ATF6: variants seen among roughly 807,000 people sequenced by gnomAD.
The protein encoded by ATF6 is activating transcription factor 6.
A neutral mutation model predicts 83.6 loss-of-function variants in ATF6; 53 were observed. The observed-to-expected ratio is 0.63, with a 90% CI of 0.51 to 0.80. ATF6 has a LOEUF of 0.80. Among genes scored for constraint, ATF6 ranks in the 30% least tolerant of loss-of-function variants. The pLI, the probability that ATF6 is intolerant of heterozygous loss-of-function variation, is 0.00. For synonymous variants in ATF6, 288 were observed against 285.8 expected (o/e 1.01, Z -0.08); for missense variants, 744 against 797.9 (o/e 0.93, Z 0.81).
At chr1:161,956,064 T>C (rs1041047464) in intron 15 of ATF6, among the ~76,000 whole-genome samples, 11 of 152,170 alleles carry the variant, frequency 7.2e-5, no homozygotes, top group Non-Finnish European at 1.2e-4. Context: ...CTTCTTGATA[T>C]TTAAAGCTTT....
chr1:161,939,259 A>G (rs1446219608), intron 15 of ATF6, among the ~76,000 whole-genome samples: 2 of 152,256 alleles, frequency 1.3e-5, no homozygotes, highest in East Asian at 3.9e-4. Flanking sequence ...CTCTTCTCCC[A>G]AACCCTATAC....
Position 161,870,091 on chromosome 1 carries a change from A to G in ATF6, c.1719+6779A>G, listed in dbSNP as rs949295352. ...CTGGCACTTTTAGATGTATTACAGC[A>G]TATGTAAATAAATTAATCTAACCCT... On this transcript the variant is annotated intron_variant, in intron 14 of 15. Transcript: ENST00000367942. Among the ~76,000 whole-genome samples, 5 of 151,776 alleles carry G rather than the reference A, an allele frequency of 3.3e-5. No homozygotes were observed. In the South Asian group the frequency reaches 8.3e-4, roughly 25 times the overall value.
chr1:161,813,128 C>T (rs910687236), intron 7 of ATF6, among the ~76,000 whole-genome samples: 6 of 152,052 alleles, frequency 3.9e-5, no homozygotes, highest in South Asian at 2.1e-4. Flanking sequence ...ACCCAAGTCT[C>T]GAAACTTGCT....
chr1:161,796,973 A>G (rs1430219412), intron 6 of ATF6, among the ~76,000 whole-genome samples: 2 of 150,064 alleles, frequency 1.3e-5, no homozygotes, highest in African/African-American at 4.9e-5. Flanking sequence ...TGCCAGATTT[A>G]CTGTAATTTC....
chr1:161,845,775 CA>C lies in ATF6; in HGVS notation c.1188-654del, dbSNP rs66887008. Among the ~76,000 whole-genome samples, 417 of 74,560 alleles carry C rather than the reference CA, an allele frequency of 5.6e-3. 1 individual carries two copies. Among genetic ancestry groups the C allele is most frequent in the South Asian group, 0.016 (34 of 2,120 alleles). The allele number at this position is 74,560 out of a possible 152,430, so 48.9% of individuals were successfully genotyped here. A position where few individuals can be genotyped will look rare whatever the true frequency, so the allele number is the denominator to read the frequency against. The stretch of plus-strand genomic sequence containing the variant: ...TGGGTGACAGAGTGAGACCCTGTCT[CA>C]AAAAAAAAAAAAAAAAAAAGTTAAG... On this transcript the variant is annotated intron_variant, in intron 9 of 15. Transcript: ENST00000367942.
At chr1:161,875,646 T>A (rs1005409378) in intron 14 of ATF6, among the ~76,000 whole-genome samples, 26 of 151,952 alleles carry the variant, frequency 1.7e-4, no homozygotes, top group Non-Finnish European at 2.2e-4. Context: ...ATTCACTAAT[T>A]TATTTTCAAG....
intron 6 of ATF6, among the ~76,000 whole-genome samples, chr1:161,798,806 CA>C (rs1386641080): frequency 9.9e-5 from 15 of 152,210 alleles, no homozygotes; most frequent in Middle Eastern, 3.4e-3. Flanking sequence ...CAGACACTTT[CA>C]AAAGAAGACA....
rs1244187740 is a variant in ATF6 at position 161,952,267 on chromosome 1, C to A, written c.1805-6179C>A. 2.8e-4 allele frequency among the ~76,000 whole-genome samples: 43 copies of A among 152,046 alleles called. 1 individual carries two copies. On this transcript the variant is annotated intron_variant, in intron 15 of 15. Transcript: ENST00000367942. ...CCCCACCCCAGTTTCTTACTGCTTG[C>A]CAGTCCTCTCCACTAAAATGTCCTC...
chr1:161,934,271 C>A (rs1688496395), intron 15 of ATF6, among the ~76,000 whole-genome samples: 1 of 152,070 alleles, frequency 6.6e-6, no homozygotes, highest in Non-Finnish European at 1.5e-5. Context: ...TCTAACAGAG[C>A]CATTTCAGAA....
At chr1:161,895,236 C>A (rs1274651519) in intron 14 of ATF6, among the ~76,000 whole-genome samples, 2 of 151,726 alleles carry the variant, frequency 1.3e-5, no homozygotes, top group African/African-American at 2.4e-5. Context: ...GAACCTGTGT[C>A]AAAAAAATAA....
chr1:161,806,152 A>G (rs571096935), intron 7 of ATF6, among the ~76,000 whole-genome samples: 35 of 152,340 alleles, frequency 2.3e-4, no homozygotes, highest in African/African-American at 7.5e-4. Context: ...CTCTCATTTC[A>G]GTGTAGAAGT....
At chr1:161,776,267 G>A (rs998439181) in intron 1 of ATF6, among the ~76,000 whole-genome samples, 6 of 152,132 alleles carry the variant, frequency 3.9e-5, no homozygotes, top group African/African-American at 7.2e-5. Flanking sequence ...CTCAGCCTGC[G>A]TTTTCCATCT....
Position 161,958,430 on chromosome 1 carries a change from A to AT in ATF6, c.1805-15dup. 5.1e-6 allele frequency: 8 copies of AT among 1,581,062 alleles called. No individual in the cohort carries two copies. The highest frequency in any genetic ancestry group is 6.0e-6 in the Non-Finnish European group (7 of 1,162,768). On this transcript the variant is annotated splice_polypyrimidine_tract_variant and intron_variant, in intron 15 of 15. Coordinates refer to ENST00000367942, the MANE Select transcript of ATF6 (RefSeq NM_007348.4). The stretch of plus-strand genomic sequence containing the variant: ...TCTGTTGAATATTTATTCTTTGTGT[A>AT]TATTCCTGTCTGCAGAGAATGTGAT...
At chr1:161,842,338 T>C (rs1686376623) in intron 9 of ATF6, among the ~76,000 whole-genome samples, 2 of 152,220 alleles carry the variant, frequency 1.3e-5, no homozygotes, top group African/African-American at 2.4e-5. Flanking sequence ...AGAACTACCA[T>C]TTGATCCAGC....
intron 1 of ATF6, among the ~76,000 whole-genome samples, chr1:161,777,533 A>G (rs1176563580): frequency 8.5e-5 from 13 of 152,212 alleles, no homozygotes; most frequent in Admixed American, 5.9e-4. Flanking sequence ...CAAAGTGCTT[A>G]AAGTTTTGAA....
At chr1:161,851,274 A>ACACACACACC (rs1264016372) in intron 10 of ATF6, among the ~76,000 whole-genome samples, 73 of 144,132 alleles carry the variant, frequency 5.1e-4, no homozygotes, top group Non-Finnish European at 1.0e-3. Flanking sequence ...ACACACACAC[A>ACACACACACC]CCCCTACCTG....
At chr1:161,881,484 G>A (rs1355279412) in intron 14 of ATF6, among the ~76,000 whole-genome samples, 1 of 152,140 alleles carries the variant, frequency 6.6e-6, no homozygotes, top group Admixed American at 6.6e-5. Flanking sequence ...CAGCATGGAA[G>A]TGTTTATGTT....
At chr1:161,903,088 T>C (rs1177758805) in intron 14 of ATF6, among the ~76,000 whole-genome samples, 1 of 152,186 alleles carries the variant, frequency 6.6e-6, no homozygotes, top group African/African-American at 2.4e-5. Context: ...TTTAATTTAG[T>C]TTCTTCCAAC....
At position 161,791,462 on chromosome 1, in the gene ATF6, G is replaced by A; in HGVS notation, c.409G>A (p.Glu137Lys). The A allele has an allele frequency of 1.9e-6, 3 of 1,612,754 alleles. No homozygotes were observed. Among genetic ancestry groups the A allele is most frequent in the Non-Finnish European group, 2.5e-6 (3 of 1,179,570 alleles). ...GATGTCTCCCCTTTCCTTATATGGT[G>A]AAAACTCTAATAGTCTCTCTTCAGC... ...SQMSPLSLYG[E>K]NSNSLSSAEP... The change falls in exon 5 of 16, where the codon GAA (glutamate) becomes AAA (lysine). Residue 137 changes from glutamate (E) to lysine (K), a missense_variant. Transcript: ENST00000367942.
Sources: allele counts gnomAD v4.1 joint callset (sites outside exome capture counted in the v4.1 genomes callset), GRCh38; gene constraint gnomAD v4.1.1; transcripts MANE v1.5; gene names NCBI Gene and HGNC (gene_info 2026-07-23, HGNC 2026-07-21).